The following PALS1 variants were observed in gnomAD, a reference collection of about 807,000 sequenced individuals.
The protein encoded by PALS1 is protein PALS1.
In PALS1, 31 loss-of-function variants were observed where a neutral mutation model predicts 78.9. The observed-to-expected ratio is 0.39, with a 90% confidence interval of 0.30 to 0.53. The LOEUF (loss-of-function observed/expected upper bound fraction) is 0.53, where lower values mean the gene tolerates loss of function less well. Among genes scored for constraint, PALS1 ranks in the 20% least tolerant of loss-of-function variants. The pLI is 0.67. For synonymous variants in PALS1, 276 were observed against 270.9 expected (o/e 1.02, Z -0.18); for missense variants, 704 against 826.5 (o/e 0.85, Z 1.82).
rs138565242 is a variant in PALS1 at position 67,279,234 on chromosome 14, G to A, written c.64G>A (p.Asp22Asn). Residue 22 changes from aspartate to asparagine, a missense_variant, in exon 3 of 15, where the codon GAT (aspartate) becomes AAT (asparagine). By Grantham distance (23) the Asp-to-Asn change is conservative (BLOSUM62 1). Transcript: ENST00000261681. ...EESDSEVKNV[D>N]LASPEEHQKH... Reference sequence around the variant, plus strand: ...ATCAGACAGCGAAGTAAAAAATGTTGATCTTGCATCACCAGAGGAACATCA... The same window carrying A: ...ATCAGACAGCGAAGTAAAAAATGTTAATCTTGCATCACCAGAGGAACATCA... 1.2e-6 allele frequency: 2 copies of A among 1,612,802 alleles called. No individual in the cohort carries two copies. Among genetic ancestry groups the A allele is most frequent in the Non-Finnish European group, 1.7e-6 (2 of 1,179,702 alleles).
intron 5 of PALS1, 21 bp downstream of exon 5, chr14:67,301,487 T>C (rs2084932301): frequency 6.4e-7 from 1 of 1,554,190 alleles, no homozygotes; most frequent in African/African-American, 1.4e-5. Context: ...GACAGAATAC[T>C]ATATATGTGG....
At chr14:67,314,997 A>G (rs1045166451) in intron 9 of PALS1, among the ~76,000 whole-genome samples, 1 of 152,102 alleles carries the variant, frequency 6.6e-6, no homozygotes, top group Non-Finnish European at 1.5e-5. Flanking sequence ...AGTCCCAGCT[A>G]TTCAGGAGGC....
intron 1 of PALS1, among the ~76,000 whole-genome samples, chr14:67,256,283 T>C (rs377647586): frequency 1.3e-5 from 2 of 152,228 alleles, no homozygotes; most frequent in Admixed American, 6.5e-5. Flanking sequence ...GGATGGTAGA[T>C]AAACACTGTT....
rs566918892 is a variant in PALS1, at chr14:67,313,912, T to C, written c.1225+1202T>C. Among the ~76,000 whole-genome samples the C allele has an allele frequency of 4.0e-5, 6 of 151,774 alleles. No individual in the cohort carries two copies. The South Asian group carries it at 1.2e-3, about 32-fold the overall frequency. On this transcript the variant is annotated intron_variant, in intron 9 of 14. Transcript: ENST00000261681. ...AAGTCTTATTTGTTTTAAATCCAGA[T>C]AATATATGTTAAATTAATGAATAAA...
At chr14:67,273,522 T>C in intron 2 of PALS1, among the ~76,000 whole-genome samples, 1 of 152,218 alleles carries the variant, frequency 6.6e-6, no homozygotes, top group African/African-American at 2.4e-5. Context: ...TAGTCTATCA[T>C]TGATGGACAT....
chr14:67,330,157 T>TA (rs201443109), intron 14 of PALS1, among the ~76,000 whole-genome samples: 1,619 of 139,406 alleles, frequency 0.012, 17 homozygotes, highest in Middle Eastern at 0.019. Context: ...TAATAATAAT[T>TA]ATTATTATTA....
intron 1 of PALS1, among the ~76,000 whole-genome samples, chr14:67,255,512 T>A (rs1311170799): frequency 1.3e-5 from 2 of 152,216 alleles, no homozygotes; most frequent in Non-Finnish European, 2.9e-5. Context: ...GTTGAGGAAT[T>A]CCTAAATACT....
At position 67,321,102 on chromosome 14, in the gene PALS1, A is replaced by G; in HGVS notation, c.1583A>G (p.Tyr528Cys). Residue 528 changes from tyrosine to cysteine, a missense_variant, in exon 13 of 15, where the codon TAC becomes TGC. Coordinates refer to ENST00000261681, the MANE Select transcript of PALS1 (RefSeq NM_022474.4). The part of the protein sequence containing the change: ...RRDQEVAGRD[Y>C]HFVSRQAFEA... The stretch of plus-strand genomic sequence containing the variant: ...GACCAAGAAGTAGCCGGTAGAGATT[A>G]CCACTTTGTTTCGCGGCAAGCATTC... The G allele has an allele frequency of 6.2e-7, 1 of 1,614,186 alleles. No homozygotes were observed. The highest frequency in any genetic ancestry group is 8.5e-7 in the Non-Finnish European group (1 of 1,180,018).
chr14:67,294,045 A>C (rs963805579), intron 4 of PALS1, among the ~76,000 whole-genome samples: 7 of 152,228 alleles, frequency 4.6e-5, no homozygotes, highest in African/African-American at 1.2e-4. Context: ...TAAAGAGTAA[A>C]TGCCTTGGGA....
Position 67,246,327 on chromosome 14 carries a change from C to G in PALS1, c.-237+4794C>G, listed in dbSNP as rs112731028. On this transcript the variant is annotated intron_variant, in intron 1 of 14. Coordinates refer to ENST00000261681, the MANE Select transcript of PALS1 (RefSeq NM_022474.4). ...TTTATTTGTAGAGATAAGGTCTTGG[C>G]TATGTTGCCCAGACTGTATTATTTA... 8.0e-3 allele frequency among the ~76,000 whole-genome samples: 1,210 copies of G among 151,082 alleles called. 15 individuals carry two copies. Among genetic ancestry groups the G allele is most frequent in the African/African-American group, 0.027 (1,098 of 41,078 alleles).
Position 67,301,415 on chromosome 14 carries a change from T to A in PALS1, c.603T>A (p.His201Gln). Reference protein sequence around the residue: ...QEVQTVLKPVHHKEGQELTAL... With the variant: ...QEVQTVLKPVQHKEGQELTAL... Reference sequence around the variant, plus strand: ...TACAAACTGTTTTGAAGCCAGTTCATCATAAGGAAGGACAAGAACTAACTG... The same window carrying A: ...TACAAACTGTTTTGAAGCCAGTTCAACATAAGGAAGGACAAGAACTAACTG... The change falls in exon 5 of 15, where the codon CAT becomes CAA. Residue 201 changes from histidine to glutamine, a missense_variant. His to Gln is a conservative substitution (Grantham distance 24). Transcript: ENST00000261681. 1 of 1,610,536 alleles carries A rather than the reference T, an allele frequency of 6.2e-7. No individual in the cohort carries two copies. The highest frequency in any genetic ancestry group is 8.5e-7 in the Non-Finnish European group (1 of 1,177,964).
intron 13 of PALS1, among the ~76,000 whole-genome samples, chr14:67,322,577 A>G (rs915203839): frequency 1.3e-5 from 2 of 152,178 alleles, no homozygotes; most frequent in Non-Finnish European, 2.9e-5. Context: ...AATAGTAATT[A>G]GGGATTTTTG....
At chr14:67,322,977 G>A (rs2085283410) in intron 13 of PALS1, among the ~76,000 whole-genome samples, 1 of 152,192 alleles carries the variant, frequency 6.6e-6, no homozygotes, top group African/African-American at 2.4e-5. Context: ...TATGTTCTAT[G>A]ATTTTGCTTA....
chr14:67,274,461 G>A (rs1057031889), intron 2 of PALS1, among the ~76,000 whole-genome samples: 3 of 152,056 alleles, frequency 2.0e-5, no homozygotes, highest in Non-Finnish European at 4.4e-5. Context: ...TGAGGGCTCT[G>A]TTCTGTTCCA....
At chr14:67,321,610 A>G (rs918719411) in intron 13 of PALS1, among the ~76,000 whole-genome samples, 4 of 152,152 alleles carry the variant, frequency 2.6e-5, no homozygotes, top group Non-Finnish European at 4.4e-5. Context: ...TTTATCTTTT[A>G]TATACACCTT....
rs778282751 is a variant in PALS1 at position 67,334,441 on chromosome 14, T to TAAAC, written c.*1487_*1490dup. 5.9e-5 allele frequency: 9 copies of TAAAC among 152,664 alleles called. No individual in the cohort carries two copies. Among genetic ancestry groups the TAAAC allele is most frequent in the African/African-American group, 1.4e-4 (6 of 41,460 alleles). 9.5% of individuals were successfully genotyped at this position (152,664 alleles called of 1,614,324 possible). On this transcript the variant is annotated 3_prime_UTR_variant, in exon 15 of 15. Coordinates refer to ENST00000261681, the MANE Select transcript of PALS1 (RefSeq NM_022474.4). The stretch of plus-strand genomic sequence containing the variant: ...CTACAGCATTTCCTATACCCAGAGC[T>TAAAC]AAACACTGGAATAATACTGACATCA...
chr14:67,270,690 T>A (rs1217003587), intron 2 of PALS1: 1 of 152,016 alleles, frequency 6.6e-6, no homozygotes, highest in Non-Finnish European at 1.5e-5. Flanking sequence ...GGCTAGAGTA[T>A]TTGTGGAGTG....
chr14:67,254,746 T>C (rs2084119245), intron 1 of PALS1, among the ~76,000 whole-genome samples: 1 of 152,222 alleles, frequency 6.6e-6, no homozygotes, highest in Non-Finnish European at 1.5e-5. Flanking sequence ...GGCCAGTGTT[T>C]TTGATTTGCA....
chr14:67,284,312 G>T (rs2084643795), intron 3 of PALS1, among the ~76,000 whole-genome samples: 2 of 151,416 alleles, frequency 1.3e-5, no homozygotes, highest in Non-Finnish European at 2.9e-5. Flanking sequence ...TCACAAGGTT[G>T]TGCAGGCAGG....
Sources: gnomAD v4.1 joint callset for allele counts (sites outside exome capture counted in the v4.1 genomes callset) on GRCh38, gnomAD v4.1.1 for gene constraint, MANE v1.5 for transcripts, NCBI Gene and HGNC (gene_info 2026-07-23, HGNC 2026-07-21) for gene names.